Variants in PHC3 observed in about 807,000 individuals in gnomAD.
PHC3 encodes polyhomeotic-like protein 3.
PHC3 carries 13 observed loss-of-function variants against 107.4 expected under a neutral mutation model. The ratio of observed to expected loss-of-function variants is 0.12; its 90% confidence interval spans 0.08 to 0.19. The LOEUF is 0.19. Ranked by LOEUF, PHC3 falls within the 10% of genes least tolerant of loss-of-function variation. The probability of loss-of-function intolerance (pLI) is 1.00; values close to 1 mark genes in which losing one functional copy is unlikely to be tolerated. For synonymous variants in PHC3, 456 were observed against 427.4 expected (o/e 1.07, Z -0.83); for missense variants, 992 against 1,210.9 (o/e 0.82, Z 2.68).
At chr3:170,099,525 T>A (rs1715125510) in intron 14 of PHC3, among the ~76,000 whole-genome samples, 1 of 152,166 alleles carries the variant, frequency 6.6e-6, no homozygotes, top group Non-Finnish European at 1.5e-5. Context: ...TTTGGTAAAA[T>A]GCCTGGATCC....
rs1714081601 is a variant in PHC3, at chr3:170,091,484, T to TA, written c.*5745dup. On this transcript the variant is annotated 3_prime_UTR_variant, in exon 15 of 15. Coordinates refer to ENST00000495893, the MANE Select transcript of PHC3 (RefSeq NM_024947.4). The stretch of plus-strand genomic sequence containing the variant: ...CTAGAACCTCACTATGTTGTACCTC[T>TA]AACATTTCCGATTAAAATTGTCATC... 6.6e-6 allele frequency: 1 copy of TA among 152,190 alleles called. No individual in the cohort carries two copies. The allele number at this position is 152,190 out of a possible 1,614,324, so 9.4% of individuals were successfully genotyped here.
intron 9 of PHC3, among the ~76,000 whole-genome samples, chr3:170,122,104 G>T (rs752816225): frequency 6.6e-6 from 1 of 152,074 alleles, no homozygotes; most frequent in Non-Finnish European, 1.5e-5. Flanking sequence ...TAAAAAATTA[G>T]CCAAGTGTGC....
At position 170,099,575 on chromosome 3, in the gene PHC3, G is replaced by A. The variant is rs138933718; in HGVS notation, c.2834-2191C>T. Among the ~76,000 whole-genome samples, 11 of 152,270 alleles carry A rather than the reference G, an allele frequency of 7.2e-5. No homozygotes were observed. The East Asian group carries it at 7.7e-4, about 11-fold the overall frequency. ...AAACATACACCAACTGACACAGCCA[G>A]TCAGCTGAGCTAGCTTCACCTCACC... On this transcript the variant is annotated intron_variant, in intron 14 of 14. Transcript: ENST00000495893.
chr3:170,169,985 T>TC (rs1427775850), intron 4 of PHC3: 2 of 151,850 alleles, frequency 1.3e-5, no homozygotes, highest in South Asian at 2.1e-4. Context: ...TCTAACATCT[T>TC]CAAGTCATAG....
rs754595046 is a variant in PHC3, at chr3:170,149,232, T to C, written c.427A>G (p.Thr143Ala). 4.3e-6 allele frequency: 7 copies of C among 1,610,706 alleles called. No individual in the cohort carries two copies. The highest frequency in any genetic ancestry group is 4.2e-6 in the Non-Finnish European group (5 of 1,178,766). Residue 143 changes from threonine (T) to alanine (A), a missense_variant, in exon 5 of 15, where the codon ACT (threonine) becomes GCT (alanine). Around this residue, in one of 6 missense-constraint regions of PHC3, gnomAD observed 161 missense variants for 183.7 expected, o/e 0.88. Transcript: ENST00000495893. ...SMSQTSINLS[T>A]SPTPAQLISR... ...ATTAACTGTGCAGGTGTAGGAGAAG[T>C]GGAGAGGTTGATCTAAGGAAGAAAA...
chr3:170,131,930 T>TC (rs1393629340), intron 7 of PHC3, among the ~76,000 whole-genome samples: 24 of 152,240 alleles, frequency 1.6e-4, no homozygotes, highest in African/African-American at 5.8e-4. Context: ...TAGCAATCTA[T>TC]CCTTTCATCT....
chr3:170,106,322 T>C (rs1343988852), intron 12 of PHC3, among the ~76,000 whole-genome samples: 1 of 152,122 alleles, frequency 6.6e-6, no homozygotes, highest in Non-Finnish European at 1.5e-5. Context: ...ATGTTAACAG[T>C]GTGGGGAATT....
At chr3:170,121,521 T>C (rs1430486422) in intron 9 of PHC3, among the ~76,000 whole-genome samples, 2 of 152,188 alleles carry the variant, frequency 1.3e-5, no homozygotes. Context: ...AGAATTTGAA[T>C]GGTTAAGCAC....
At chr3:170,111,441 A>AAAGAG (rs543502833) in intron 11 of PHC3, among the ~76,000 whole-genome samples, 1 of 151,204 alleles carries the variant, frequency 6.6e-6, no homozygotes, top group African/African-American at 2.4e-5. Flanking sequence ...GAAAGAAAGG[A>AAAGAG]AAGAGAAGAG....
intron 7 of PHC3, among the ~76,000 whole-genome samples, chr3:170,135,412 A>C (rs1346409091): frequency 4.0e-5 from 6 of 150,992 alleles, no homozygotes. Context: ...CAGCCTCCCA[A>C]AGTGCTGGGA....
intron 7 of PHC3, among the ~76,000 whole-genome samples, chr3:170,131,874 A>G (rs976863091): frequency 2.0e-5 from 3 of 152,184 alleles, no homozygotes; most frequent in Non-Finnish European, 4.4e-5. Flanking sequence ...TGCTCTGGTA[A>G]GTAAGCAATC....
intron 9 of PHC3, 102 bp from the exon 10 acceptor site, chr3:170,117,578 G>A: frequency 8.3e-7 from 1 of 1,210,472 alleles, no homozygotes; most frequent in Non-Finnish European, 1.1e-6. Context: ...TTAATATCTG[G>A]TACTTTCAAA....
Position 170,129,304 on chromosome 3 carries a change from G to A in PHC3, c.1168C>T (p.His390Tyr), listed in dbSNP as rs770366332. ...GGAGACACTGTTAAAGGAGAGGGAT[G>A]ACTCTGAATCGGTGAACAATGCTGT... ...QSQHCSPIQSHPSPLTVSPNQ... is the reference protein window; with the variant it reads ...QSQHCSPIQSYPSPLTVSPNQ... Residue 390 changes from histidine (H) to tyrosine (Y), a missense_variant, in exon 8 of 15, where the codon CAT becomes TAT. This residue lies in a region of PHC3 where 543 missense variants were observed against 590.8 expected (regional missense o/e 0.92). Coordinates refer to ENST00000495893, the MANE Select transcript of PHC3 (RefSeq NM_024947.4). 4.7e-5 allele frequency: 76 copies of A among 1,613,868 alleles called. 1 individual carries two copies. In the Admixed American group the frequency reaches 1.2e-3, roughly 26 times the overall value.
At chr3:170,098,536 CAGCACAA>C (rs1367406562) in intron 14 of PHC3, among the ~76,000 whole-genome samples, 6 of 152,068 alleles carry the variant, frequency 3.9e-5, no homozygotes, top group East Asian at 1.9e-4. Flanking sequence ...CTTACAACCC[CAGCACAA>C]AGCACAAAGC....
Position 170,091,821 on chromosome 3 carries a change from G to A in PHC3, c.*5409C>T, listed in dbSNP as rs1035020208. On this transcript the variant is annotated 3_prime_UTR_variant, in exon 15 of 15. Transcript: ENST00000495893. ...ATAGTACAATTTTAAAACGGATTAG[G>A]TTCTAAAAACTAATATGTAAAACTT... 26 of 152,092 alleles carry A rather than the reference G, an allele frequency of 1.7e-4. No individual in the cohort carries two copies. Among genetic ancestry groups the A allele is most frequent in the African/African-American group, 5.5e-4 (23 of 41,498 alleles). 9.4% of individuals were successfully genotyped at this position (152,092 alleles called of 1,614,324 possible). A position where few individuals can be genotyped will look rare whatever the true frequency, so the allele number is the denominator to read the frequency against.
At chr3:170,159,184 G>A (rs1282861601) in intron 4 of PHC3, among the ~76,000 whole-genome samples, 2 of 150,132 alleles carry the variant, frequency 1.3e-5, no homozygotes, top group African/African-American at 2.5e-5. Flanking sequence ...CCTGGGAGGC[G>A]GAGCTTGCAG....
At chr3:170,098,842 T>C (rs1351783631) in intron 14 of PHC3, among the ~76,000 whole-genome samples, 2 of 152,196 alleles carry the variant, frequency 1.3e-5, no homozygotes, top group African/African-American at 4.8e-5. Context: ...GAAATTATTA[T>C]GCTTTTGCAC....
intron 5 of PHC3, chr3:170,147,476 G>A (rs894460386): frequency 1.3e-5 from 2 of 151,990 alleles, no homozygotes. Context: ...TCTGTGCTTC[G>A]TCATTCAACT....
rs79779318 is a variant in PHC3 at position 170,153,155 on chromosome 3, CT to C, written c.415-3912del. ...TGTTCAAACAGCAAACTAATTATTC[CT>C]TTTAAAACAGCTTCTCCTCAAATGG... On this transcript the variant is annotated intron_variant, in intron 4 of 14. Coordinates refer to ENST00000495893, the MANE Select transcript of PHC3 (RefSeq NM_024947.4). 4.6e-5 allele frequency among the ~76,000 whole-genome samples: 7 copies of C among 152,272 alleles called. No homozygotes were observed. In the East Asian group the frequency reaches 1.2e-3, roughly 25 times the overall value.
Sources: gnomAD v4.1 joint callset for allele counts (sites outside exome capture counted in the v4.1 genomes callset) on GRCh38, gnomAD v4.1.1 for gene constraint, gnomAD v4.1.1 regional missense constraint, MANE v1.5 for transcripts, NCBI Gene and HGNC (gene_info 2026-07-23, HGNC 2026-07-21) for gene names.